The following SPTBN1 variants were observed in gnomAD, a reference collection of about 807,000 sequenced individuals.
SPTBN1 encodes spectrin beta, non-erythrocytic 1.
Under a neutral mutation model 266.4 loss-of-function variants are expected in SPTBN1, and 32 were observed. The ratio of observed to expected loss-of-function variants is 0.12; its 90% confidence interval spans 0.09 to 0.16. The LOEUF is 0.16. Among genes scored for constraint, SPTBN1 ranks in the 10% least tolerant of loss-of-function variants. SPTBN1 has a pLI of 1.00. For synonymous variants in SPTBN1, 1,336 were observed against 1,162.2 expected, an observed-to-expected ratio of 1.15 and a Z score of -3.04; for missense variants, 2,296 against 3,067.1, an observed-to-expected ratio of 0.75 and a Z score of 5.94.
At chr2:54,543,652 C>T (rs565661892) in intron 2 of SPTBN1, among the ~76,000 whole-genome samples, 1 of 152,130 alleles carries the variant, frequency 6.6e-6, no homozygotes, top group African/African-American at 2.4e-5. Flanking sequence ...TCTCACTGTA[C>T]TTTCCTGTTT....
intron 1 of SPTBN1, among the ~76,000 whole-genome samples, chr2:54,494,917 TAA>T (rs66814543): frequency 0.053 from 7,343 of 139,774 alleles, 466 homozygotes; most frequent in African/African-American, 0.16. Context: ...TGTTTTTTTT[TAA>T]AAAAAAAAAA....
At chr2:54,557,293 G>A (rs1463948764) in intron 2 of SPTBN1, among the ~76,000 whole-genome samples, 1 of 152,014 alleles carries the variant, frequency 6.6e-6, no homozygotes, top group African/African-American at 2.4e-5. Context: ...GGATCCCTGA[G>A]GAATGAAATT....
chr2:54,529,950 T>G (rs1558810437), intron 2 of SPTBN1: 2 of 367,176 alleles, frequency 5.4e-6, no homozygotes, highest in Non-Finnish European at 1.0e-5. Context: ...GGAGATATCT[T>G]CCTGTCCCTT....
chr2:54,600,389 C>T (rs1017888002), intron 3 of SPTBN1, among the ~76,000 whole-genome samples: 2 of 152,140 alleles, frequency 1.3e-5, no homozygotes, highest in African/African-American at 2.4e-5. Context: ...GCATGTAGGT[C>T]TTGTGGCCTC....
At chr2:54,604,342 C>G (rs1005461924) in intron 3 of SPTBN1, among the ~76,000 whole-genome samples, 1 of 152,206 alleles carries the variant, frequency 6.6e-6, no homozygotes, top group Non-Finnish European at 1.5e-5. Context: ...AATTAGCTCT[C>G]AGAAGCTTTT....
At chr2:54,537,016 G>A (rs2104381401) in intron 2 of SPTBN1, among the ~76,000 whole-genome samples, 1 of 152,332 alleles carries the variant, frequency 6.6e-6, no homozygotes, top group South Asian at 2.1e-4. Flanking sequence ...CTGGGTGACA[G>A]AACAAGACCC....
chr2:54,491,795 C>G (rs1379722874), intron 1 of SPTBN1, among the ~76,000 whole-genome samples: 1 of 152,074 alleles, frequency 6.6e-6, no homozygotes, highest in Non-Finnish European at 1.5e-5. Context: ...GAGACGAGGT[C>G]TCGCCGTGTT....
chr2:54,499,778 C>A (rs977495411), intron 1 of SPTBN1, among the ~76,000 whole-genome samples: 1 of 152,154 alleles, frequency 6.6e-6, no homozygotes, highest in African/African-American at 2.4e-5. Context: ...TATTACTTTG[C>A]TTTCCCCCTT....
chr2:54,514,253 C>T (rs541518628), intron 1 of SPTBN1, among the ~76,000 whole-genome samples: 41 of 152,168 alleles, frequency 2.7e-4, no homozygotes, highest in African/African-American at 9.4e-4. Context: ...AGTTCTTAAA[C>T]CGTGGTGATG....
chr2:54,501,894 A>T (rs777380679), intron 1 of SPTBN1, among the ~76,000 whole-genome samples: 6 of 152,152 alleles, frequency 3.9e-5, no homozygotes, highest in Non-Finnish European at 8.8e-5. Context: ...TCGTGAGAAA[A>T]GCTCGATCAC....
At chr2:54,529,567 TG>T (rs2104342512) in intron 2 of SPTBN1, 1 of 716,358 alleles carries the variant, frequency 1.4e-6, no homozygotes, top group African/African-American at 1.7e-5. Flanking sequence ...TTGACCACTA[TG>T]CTATCATCAA....
In SPTBN1 at chr2:54,645,853, G is replaced by T; in HGVS notation, c.4495-75G>T. 4.6e-6 allele frequency: 7 copies of T among 1,515,256 alleles called. No homozygotes were observed. The highest frequency in any genetic ancestry group is 1.1e-5 in the South Asian group (1 of 88,314). 93.9% of individuals were successfully genotyped at this position (1,515,256 alleles called of 1,614,324 possible). On this transcript the variant is annotated intron_variant, in intron 21 of 35. Transcript: ENST00000356805. This position sits in a 1 kb window ranked among gnomAD's most constrained non-coding sequence, Gnocchi z 4.3. Reference sequence around the variant, plus strand: ...AAGCTCACCCTTGCTGTCCCTCACTGCCCCTCACTGCTCGTTTGTGTCGTA... The same window carrying T: ...AAGCTCACCCTTGCTGTCCCTCACTTCCCCTCACTGCTCGTTTGTGTCGTA...
At chr2:54,598,059 G>A (rs1351390539) in intron 2 of SPTBN1, among the ~76,000 whole-genome samples, 1 of 152,132 alleles carries the variant, frequency 6.6e-6, no homozygotes, top group East Asian at 1.9e-4. Flanking sequence ...GATGTCTGTT[G>A]AAGGTCTTCA....
chr2:54,503,229 C>T (rs964247850), intron 1 of SPTBN1, among the ~76,000 whole-genome samples: 5 of 152,186 alleles, frequency 3.3e-5, no homozygotes, highest in African/African-American at 9.7e-5. Flanking sequence ...TTTGCATGCT[C>T]CGCATGGAGA....
At chr2:54,459,771 G>T (rs1476278196) in intron 1 of SPTBN1, among the ~76,000 whole-genome samples, 1 of 152,214 alleles carries the variant, frequency 6.6e-6, no homozygotes, top group Non-Finnish European at 1.5e-5. Flanking sequence ...CCTGTTAGAA[G>T]AGTGAACTTT....
At chr2:54,615,705 A>G (rs1677560303) in intron 4 of SPTBN1, among the ~76,000 whole-genome samples, 3 of 152,182 alleles carry the variant, frequency 2.0e-5, no homozygotes, top group Admixed American at 6.5e-5. Context: ...ATAATGTTGC[A>G]AATATGCTGC....
chr2:54,625,258 A>G (rs1304191821), intron 11 of SPTBN1, among the ~76,000 whole-genome samples: 1 of 152,184 alleles, frequency 6.6e-6, no homozygotes, highest in African/African-American at 2.4e-5. Flanking sequence ...TCTTTTCTTT[A>G]ATCTTTGACC....
rs574322658 is a variant in SPTBN1, at chr2:54,490,449, A to G, written c.-48+33931A>G. Among the ~76,000 whole-genome samples, 5 of 152,350 alleles carry G rather than the reference A, an allele frequency of 3.3e-5. No homozygotes were observed. The South Asian group carries it at 1.0e-3, about 32-fold the overall frequency. ...ATCCCCTCTGGTGGCACTTTAATTC[A>G]GATGGGGTCCACAAAATAGGAAAAT... On this transcript the variant is annotated intron_variant, in intron 1 of 35. Transcript: ENST00000356805.
At chr2:54,654,939 A>T in intron 27 of SPTBN1, 131 bp from the exon 28 acceptor site, 1 of 1,281,240 alleles carries the variant, frequency 7.8e-7, no homozygotes, top group East Asian at 2.5e-5. Context: ...TCAGGGAGTG[A>T]TTCAGACCTG....
Sources: gnomAD v4.1 joint callset for allele counts (sites outside exome capture counted in the v4.1 genomes callset) on GRCh38, gnomAD v4.1.1 for gene constraint, Gnocchi (gnomAD v3.1) non-coding constraint, MANE v1.5 for transcripts, NCBI Gene and HGNC (gene_info 2026-07-23, HGNC 2026-07-21) for gene names.